TMEM33: variants seen among roughly 807,000 people sequenced by gnomAD.
TMEM33 encodes transmembrane protein 33.
A neutral mutation model predicts 29.7 loss-of-function variants in TMEM33; 16 were observed. The observed-to-expected ratio is 0.54, with a 90% confidence interval of 0.36 to 0.82. TMEM33 has a LOEUF of 0.82. TMEM33 is among the 40% of genes least tolerant of loss of function. The probability of loss-of-function intolerance (pLI) is 0.00; values close to 1 mark genes in which losing one functional copy is unlikely to be tolerated. For missense variants in TMEM33, 252 were observed against 295.3 expected, an observed-to-expected ratio of 0.85 and a Z score of 1.08; for synonymous variants, 112 against 109.4, an observed-to-expected ratio of 1.02 and a Z score of -0.15.
intron 3 of TMEM33, chr4:41,939,827 A>T: frequency 2.2e-6 from 1 of 455,874 alleles, no homozygotes; most frequent in Non-Finnish European, 4.4e-6. Context: ...TTATTTAAGC[A>T]GGTAATGAGA....
upstream of TMEM33, chr4:41,935,171 C>T (rs927423332): frequency 2.3e-5 from 11 of 483,258 alleles, no homozygotes; most frequent in Non-Finnish European, 3.7e-5. Context: ...GAGCCGGCGG[C>T]GTAGGTTGGC....
Position 41,955,966 on chromosome 4 carries a change from AG to A in TMEM33, c.*1768del, listed in dbSNP as rs1229081592. 1 of 151,790 alleles carries A rather than the reference AG, an allele frequency of 6.6e-6. No individual in the cohort carries two copies. The allele number at this position is 151,790 out of a possible 1,614,324, so 9.4% of individuals were successfully genotyped here. A position where few individuals can be genotyped will look rare whatever the true frequency, so the allele number is the denominator to read the frequency against. On this transcript the variant is annotated 3_prime_UTR_variant, in exon 7 of 7. Coordinates refer to ENST00000504986, the MANE Select transcript of TMEM33 (RefSeq NM_018126.3). The stretch of plus-strand genomic sequence containing the variant: ...TATAGAAGAGTCAGAAATGTACAAG[AG>A]AGTTTTTTTGTTGTTGTTTTTGTTT...
At position 41,939,192 on chromosome 4, in the gene TMEM33, G is replaced by T; in HGVS notation, c.141-4G>T. 1 of 1,589,776 alleles carries T rather than the reference G, an allele frequency of 6.3e-7. No homozygotes were observed. Among genetic ancestry groups the T allele is most frequent in the East Asian group, 2.3e-5 (1 of 44,360 alleles). On this transcript the variant is annotated splice_region_variant and splice_polypyrimidine_tract_variant and intron_variant, in intron 2 of 6. Transcript: ENST00000504986. Reference sequence around the variant, plus strand: ...ATGATAACCTCTCCTCTGGTAATTTGCAGGTTGCATGAAGCAGCAAGCTTT... The same window carrying T: ...ATGATAACCTCTCCTCTGGTAATTTTCAGGTTGCATGAAGCAGCAAGCTTT...
chr4:41,959,676 A>C lies in TMEM33; in HGVS notation c.*5477A>C, dbSNP rs1000674583. On this transcript the variant is annotated 3_prime_UTR_variant, in exon 7 of 7. Coordinates refer to ENST00000504986, the MANE Select transcript of TMEM33 (RefSeq NM_018126.3). Reference sequence around the variant, plus strand: ...TATTTTCTCTTGTAACTGTTAGAACAGTTCCTTTTGACATTAATTTTTGCC... The same window carrying C: ...TATTTTCTCTTGTAACTGTTAGAACCGTTCCTTTTGACATTAATTTTTGCC... 6.6e-6 allele frequency: 1 copy of C among 152,222 alleles called. No homozygotes were observed. The highest frequency in any genetic ancestry group is 2.4e-5 in the African/African-American group (1 of 41,470). The allele number at this position is 152,222 out of a possible 1,614,324, so 9.4% of individuals were successfully genotyped here.
rs2153128393 is a variant in TMEM33 at position 41,956,401 on chromosome 4, A to G, written c.*2202A>G. ...TAAAGTAAGATATTAGCCCAGAACA[A>G]TACTACTAACTGAAGTATAAAACTT... On this transcript the variant is annotated 3_prime_UTR_variant, in exon 7 of 7. Coordinates refer to ENST00000504986, the MANE Select transcript of TMEM33 (RefSeq NM_018126.3). 6.6e-6 allele frequency: 1 copy of G among 152,306 alleles called. No individual in the cohort carries two copies. The highest frequency in any genetic ancestry group is 1.9e-4 in the East Asian group (1 of 5,180). The allele number at this position is 152,306 out of a possible 1,614,324, so 9.4% of individuals were successfully genotyped here. A position where few individuals can be genotyped will look rare whatever the true frequency, so the allele number is the denominator to read the frequency against.
In TMEM33 at chr4:41,943,798, C is replaced by A. The variant is rs767718252; in HGVS notation, c.380C>A (p.Thr127Lys). 6.3e-5 allele frequency: 101 copies of A among 1,613,618 alleles called. No homozygotes were observed. Among genetic ancestry groups the A allele is most frequent in the Non-Finnish European group, 8.2e-5 (97 of 1,179,872 alleles). ...LFSLLHAATY[T>K]KKVLDARGSN... ...TCTTTGCTTCATGCTGCCACATATA[C>A]GAAAAAGGTCCTTGACGTAAGTAAA... Residue 127 changes from threonine (T) to lysine (K), a missense_variant, in exon 4 of 7, where the codon ACG (threonine) becomes AAG (lysine). Transcript: ENST00000504986.
In TMEM33 at chr4:41,951,805, G is replaced by A. The variant is rs1273442833; in HGVS notation, c.615-2265G>A. Among the ~76,000 whole-genome samples the A allele has an allele frequency of 2.0e-5, 3 of 152,196 alleles. No homozygotes were observed. The East Asian group carries it at 5.8e-4, about 29-fold the overall frequency. On this transcript the variant is annotated intron_variant, in intron 6 of 6. Coordinates refer to ENST00000504986, the MANE Select transcript of TMEM33 (RefSeq NM_018126.3). ...CCTGAGTTCTGACACATGGGTGCCT[G>A]AAAAGTGCTTAGCATACTTGAGCTC...
Position 41,949,312 on chromosome 4 carries a change from A to G in TMEM33, c.541A>G (p.Ser181Gly). Reference protein sequence around the residue: ...TVFMLFSGQGSLLQPFIYYRF... With the variant: ...TVFMLFSGQGGLLQPFIYYRF... ...ATTTGTTTATTTCAGTGGTCAAGGA[A>G]GTTTGCTCCAACCTTTTATATACTA... The change falls in exon 6 of 7, where the codon AGT (serine) becomes GGT (glycine). Residue 181 changes from serine (S) to glycine (G), a missense_variant. By Grantham distance (56) the Ser-to-Gly change is moderately conservative. Transcript: ENST00000504986. 1 of 1,608,802 alleles carries G rather than the reference A, an allele frequency of 6.2e-7. No homozygotes were observed. The highest frequency in any genetic ancestry group is 1.1e-5 in the South Asian group (1 of 90,226).
At chr4:41,939,859 T>C (rs1560515991) in intron 3 of TMEM33, 1 of 452,924 alleles carries the variant, frequency 2.2e-6, no homozygotes, top group Non-Finnish European at 4.4e-6. Context: ...AAGAAATTAA[T>C]ATTTGCTGTG....
chr4:41,937,008 C>T (rs1712269938), intron 1 of TMEM33, among the ~76,000 whole-genome samples: 1 of 150,634 alleles, frequency 6.6e-6, no homozygotes, highest in African/African-American at 2.4e-5. Context: ...TACTGTGACA[C>T]TGTGTGAATA....
At chr4:41,935,618 T>C in intron 1 of TMEM33, 89 bp downstream of exon 1, 1 of 1,312,294 alleles carries the variant, frequency 7.6e-7, no homozygotes, top group Non-Finnish European at 1.1e-6. Context: ...TTCCAGAAGC[T>C]CAGTGCATTC....
chr4:41,935,531 TAAGTGCG>T lies in TMEM33; in HGVS notation c.45+4_45+10del, dbSNP rs1409446596. The T allele has an allele frequency of 6.2e-7, 1 of 1,605,940 alleles. No individual in the cohort carries two copies. Among genetic ancestry groups the T allele is most frequent in the African/African-American group, 1.3e-5 (1 of 74,864 alleles). On this transcript the variant is annotated splice_donor_5th_base_variant and intron_variant, in intron 1 of 6. Transcript: ENST00000504986. ...GGCCCCCAAGGGGCGGGCGCTGTGG[TAAGTGCG>T]AGGGCAGGGTAGTCTGGCTTGATTT...
chr4:41,950,206 A>G (rs1256736055), intron 6 of TMEM33, among the ~76,000 whole-genome samples: 1 of 152,162 alleles, frequency 6.6e-6, no homozygotes, highest in Non-Finnish European at 1.5e-5. Flanking sequence ...ATGGAGGCTT[A>G]AATTAATATA....
chr4:41,937,151 A>C (rs1374905675), intron 1 of TMEM33, among the ~76,000 whole-genome samples: 1 of 152,088 alleles, frequency 6.6e-6, no homozygotes, highest in African/African-American at 2.4e-5. Flanking sequence ...TAATATACAT[A>C]AGTGTGTACA....
In TMEM33 at chr4:41,955,195, TG is replaced by T. The variant is rs1713211294; in HGVS notation, c.*997del. Reference sequence around the variant, plus strand: ...AGATTACATGTTTACCCATCAAATCTGACTTAAAAGGTTAAATGGAAGGTTT... The same window carrying T: ...AGATTACATGTTTACCCATCAAATCTACTTAAAAGGTTAAATGGAAGGTTT... On this transcript the variant is annotated 3_prime_UTR_variant, in exon 7 of 7. Coordinates refer to ENST00000504986, the MANE Select transcript of TMEM33 (RefSeq NM_018126.3). 1 of 152,472 alleles carries T rather than the reference TG, an allele frequency of 6.6e-6. No homozygotes were observed. The highest frequency in any genetic ancestry group is 1.5e-5 in the Non-Finnish European group (1 of 68,008). The allele number at this position is 152,472 out of a possible 1,614,324, so 9.4% of individuals were successfully genotyped here.
chr4:41,943,802 A>G lies in TMEM33; in HGVS notation c.384A>G (p.Lys128=), dbSNP rs1712657213. The change falls in exon 4 of 7, where the codon AAA becomes AAG. Residue 128 remains lysine (K), a synonymous_variant. Coordinates refer to ENST00000504986, the MANE Select transcript of TMEM33 (RefSeq NM_018126.3). ...TGCTTCATGCTGCCACATATACGAA[A>G]AAGGTCCTTGACGTAAGTAAAACTG... ...FSLLHAATYT[K]KVLDARGSNS... The G allele has an allele frequency of 6.2e-7, 1 of 1,613,776 alleles. No homozygotes were observed. Among genetic ancestry groups the G allele is most frequent in the Non-Finnish European group, 8.5e-7 (1 of 1,179,914 alleles).
At position 41,949,915 on chromosome 4, in the gene TMEM33, G is replaced by A. The variant is rs1712964680; in HGVS notation, c.614+530G>A. Among the ~76,000 whole-genome samples, 5 of 152,242 alleles carry A rather than the reference G, an allele frequency of 3.3e-5. No individual in the cohort carries two copies. The South Asian group carries it at 1.0e-3, about 32-fold the overall frequency. ...TTAGGTGGGGCAAGAGAGACGAGAA[G>A]CACAAGCCATATTTGAGGAACTTTA... is the stretch of plus-strand genomic sequence containing the variant. On this transcript the variant is annotated intron_variant, in intron 6 of 6. Coordinates refer to ENST00000504986, the MANE Select transcript of TMEM33 (RefSeq NM_018126.3).
chr4:41,951,723 A>G (rs1713046094), intron 6 of TMEM33, among the ~76,000 whole-genome samples: 1 of 152,242 alleles, frequency 6.6e-6, no homozygotes, highest in Admixed American at 6.5e-5. Flanking sequence ...ACAGACAGAG[A>G]CAAATAAGAA....
chr4:41,949,987 T>C (rs2153127699), intron 6 of TMEM33, among the ~76,000 whole-genome samples: 1 of 152,314 alleles, frequency 6.6e-6, no homozygotes, highest in South Asian at 2.1e-4. Context: ...GGCTAATTGC[T>C]GGAGCTAAGA....
Sources: allele counts gnomAD v4.1 joint callset (sites outside exome capture counted in the v4.1 genomes callset), GRCh38; gene constraint gnomAD v4.1.1; transcripts MANE v1.5; gene names NCBI Gene and HGNC (gene_info 2026-07-23, HGNC 2026-07-21).